Variants in KIF26B observed in about 807,000 individuals in gnomAD.
KIF26B encodes kinesin family member 26B.
In KIF26B, 63 loss-of-function variants were observed where a neutral mutation model predicts 151.2. The ratio of observed to expected loss-of-function variants is 0.42; its 90% CI spans 0.34 to 0.51. The LOEUF (loss-of-function observed/expected upper bound fraction) is 0.51. Ranked by LOEUF, KIF26B falls within the 20% of genes least tolerant of loss-of-function variation. The pLI is 0.07. For synonymous variants in KIF26B, 1,357 were observed against 1,262.1 expected (o/e 1.08, Z -1.59); for missense variants, 2,813 against 2,913.6 (o/e 0.97, Z 0.79).
At chr1:245,315,856 C>T (rs2102984657) in intron 2 of KIF26B, among the ~76,000 whole-genome samples, 1 of 152,270 alleles carries the variant, frequency 6.6e-6, no homozygotes, top group East Asian at 1.9e-4. Flanking sequence ...GGTGCCACTG[C>T]ACTGCAGCCT....
At chr1:245,431,537 G>C (rs930472825) in intron 4 of KIF26B, among the ~76,000 whole-genome samples, 10 of 152,162 alleles carry the variant, frequency 6.6e-5, no homozygotes, top group African/African-American at 1.4e-4. Context: ...GTAGAGACAG[G>C]GTTTCACTAT....
chr1:245,288,001 G>A (rs955021887), intron 2 of KIF26B, among the ~76,000 whole-genome samples: 43 of 151,728 alleles, frequency 2.8e-4, no homozygotes, highest in Non-Finnish European at 4.4e-5. Context: ...GAACAGAAAA[G>A]GAGACAGCTG....
chr1:245,390,961 A>C (rs547117019), intron 3 of KIF26B, among the ~76,000 whole-genome samples: 107 of 144,792 alleles, frequency 7.4e-4, no homozygotes, highest in African/African-American at 2.2e-3. Context: ...AACCACCATA[A>C]AATTTTGAGC....
intron 4 of KIF26B, among the ~76,000 whole-genome samples, chr1:245,520,660 C>T (rs1661081461): frequency 6.8e-6 from 1 of 147,862 alleles, no homozygotes; most frequent in African/African-American, 2.5e-5. Flanking sequence ...ATCCATCCAT[C>T]CATTCTGTAA....
intron 2 of KIF26B, among the ~76,000 whole-genome samples, chr1:245,312,918 T>G (rs895058388): frequency 6.6e-6 from 1 of 152,014 alleles, no homozygotes; most frequent in African/African-American, 2.4e-5. Context: ...TCCCAGCACT[T>G]TGGGAGGCTG....
chr1:245,542,130 A>G (rs1276121068), intron 5 of KIF26B, among the ~76,000 whole-genome samples: 1 of 152,230 alleles, frequency 6.6e-6, no homozygotes, highest in African/African-American at 2.4e-5. Flanking sequence ...CAGCAAGAGA[A>G]GCACTTGAGG....
At chr1:245,489,054 A>G (rs538867024) in intron 4 of KIF26B, among the ~76,000 whole-genome samples, 44 of 152,342 alleles carry the variant, frequency 2.9e-4, no homozygotes, top group African/African-American at 9.9e-4. Flanking sequence ...GCGAATTCTC[A>G]TCTCTTCCAA....
At chr1:245,228,804 C>G (rs1397803796) in intron 2 of KIF26B, among the ~76,000 whole-genome samples, 2 of 152,200 alleles carry the variant, frequency 1.3e-5, no homozygotes, top group African/African-American at 4.8e-5. Flanking sequence ...GGCTGCACGC[C>G]TAGTAGTGAT....
At chr1:245,449,109 T>C (rs1443229964) in intron 4 of KIF26B, among the ~76,000 whole-genome samples, 2 of 152,218 alleles carry the variant, frequency 1.3e-5, no homozygotes, top group Non-Finnish European at 2.9e-5. Context: ...TGATGTGGAT[T>C]TGGAACCAAA....
chr1:245,296,451 G>A (rs182629218), intron 2 of KIF26B, among the ~76,000 whole-genome samples: 1 of 152,140 alleles, frequency 6.6e-6, no homozygotes, highest in East Asian at 1.9e-4. Context: ...ATCTGAGTGG[G>A]GATATAAGGG....
At chr1:245,571,868 C>A (rs139985713) in intron 5 of KIF26B, among the ~76,000 whole-genome samples, 1 of 152,162 alleles carries the variant, frequency 6.6e-6, no homozygotes, top group Admixed American at 6.5e-5. Flanking sequence ...AGAAATCAGG[C>A]GCTTGTAAGA....
chr1:245,381,185 C>T (rs548077891), intron 3 of KIF26B, among the ~76,000 whole-genome samples: 60 of 152,160 alleles, frequency 3.9e-4, no homozygotes, highest in Non-Finnish European at 7.9e-4. Flanking sequence ...AGAAAGGACC[C>T]GTGGCCTGAA....
At chr1:245,405,994 A>C (rs575065283) in intron 3 of KIF26B, among the ~76,000 whole-genome samples, 1 of 152,164 alleles carries the variant, frequency 6.6e-6, no homozygotes, top group East Asian at 1.9e-4. Context: ...CTTTTTTGTC[A>C]TTTTTGATAT....
intron 2 of KIF26B, among the ~76,000 whole-genome samples, chr1:245,264,573 T>C (rs1317016259): frequency 6.6e-6 from 1 of 151,022 alleles, no homozygotes; most frequent in Non-Finnish European, 1.5e-5. Flanking sequence ...TAGATTATTG[T>C]TCTTAAAAAA....
intron 2 of KIF26B, among the ~76,000 whole-genome samples, chr1:245,162,358 G>A (rs4658709): frequency 0.016 from 2,294 of 145,796 alleles, 205 homozygotes; most frequent in Admixed American, 0.14. Flanking sequence ...ACCTATAGAT[G>A]CACCCATCAG....
chr1:245,412,863 G>A (rs192936784), intron 3 of KIF26B, among the ~76,000 whole-genome samples: 34 of 152,294 alleles, frequency 2.2e-4, no homozygotes, highest in African/African-American at 2.4e-5. Flanking sequence ...TCTCATGGAC[G>A]TTGAGAATGT....
At chr1:245,327,977 CTTAG>C (rs1672027074) in intron 2 of KIF26B, among the ~76,000 whole-genome samples, 1 of 152,172 alleles carries the variant, frequency 6.6e-6, no homozygotes, top group Non-Finnish European at 1.5e-5. Context: ...CCAATCCACA[CTTAG>C]CCAGTGTGAA....
chr1:245,165,772 A>G (rs1668605563), intron 2 of KIF26B, among the ~76,000 whole-genome samples: 1 of 152,120 alleles, frequency 6.6e-6, no homozygotes, highest in Non-Finnish European at 1.5e-5. Flanking sequence ...GGGGTGACAA[A>G]AGGTCTGATG....
At chr1:245,275,785 A>G (rs1461387879) in intron 2 of KIF26B, among the ~76,000 whole-genome samples, 1 of 152,182 alleles carries the variant, frequency 6.6e-6, no homozygotes, top group African/African-American at 2.4e-5. Flanking sequence ...CCTATCTAGC[A>G]TCCTTTCATT....
Sources: gnomAD v4.1 joint callset for allele counts (sites outside exome capture counted in the v4.1 genomes callset) on GRCh38, gnomAD v4.1.1 for gene constraint, MANE v1.5 for transcripts, NCBI Gene and HGNC (gene_info 2026-07-23, HGNC 2026-07-21) for gene names.